The following MAPKBP1 variants were observed in gnomAD, a reference collection of about 807,000 sequenced individuals.
MAPKBP1 encodes mitogen-activated protein kinase-binding protein 1.
MAPKBP1 carries 71 observed loss-of-function variants against 170.5 expected under a neutral mutation model. The ratio of observed to expected loss-of-function variants is 0.42; its 90% CI spans 0.34 to 0.51. MAPKBP1 has a LOEUF of 0.51. MAPKBP1 is among the 20% of genes least tolerant of loss of function. MAPKBP1 has a pLI of 0.06. For missense variants in MAPKBP1, 1,598 were observed against 1,933.0 expected (o/e 0.83, Z 3.25); for synonymous variants, 719 against 757.9 (o/e 0.95, Z 0.84).
At chr15:41,808,429 T>C (rs1029926680) in intron 3 of MAPKBP1, among the ~76,000 whole-genome samples, 5 of 151,514 alleles carry the variant, frequency 3.3e-5, no homozygotes, top group Admixed American at 2.0e-4. Context: ...GTTTGCCTGC[T>C]CAAGAGCGAT....
chr15:41,798,393 A>T (rs930992671), intron 2 of MAPKBP1, among the ~76,000 whole-genome samples: 4 of 151,346 alleles, frequency 2.6e-5, no homozygotes, highest in Non-Finnish European at 4.4e-5. Flanking sequence ...AATGAATCTC[A>T]TGCCTCAGCC....
At chr15:41,786,377 CAT>C (rs986114115) in intron 2 of MAPKBP1, among the ~76,000 whole-genome samples, 56 of 152,070 alleles carry the variant, frequency 3.7e-4, no homozygotes, top group African/African-American at 1.2e-3. Flanking sequence ...CCAATTTAAA[CAT>C]GTGTATTTCA....
At chr15:41,776,605 ACT>A (rs2064102291) in intron 2 of MAPKBP1, among the ~76,000 whole-genome samples, 2 of 152,084 alleles carry the variant, frequency 1.3e-5, no homozygotes, top group South Asian at 2.1e-4. Context: ...CTTAGATATG[ACT>A]CTGTTCATTC....
intron 20 of MAPKBP1, 59 bp downstream of exon 20, chr15:41,819,016 A>C (rs535520633): frequency 5.0e-6 from 8 of 1,599,256 alleles, no homozygotes; most frequent in African/African-American, 4.0e-5. Context: ...CTGGGACCTC[A>C]CTGCACTTCC....
chr15:41,796,294 A>T (rs1392715625), intron 2 of MAPKBP1, among the ~76,000 whole-genome samples: 1 of 152,172 alleles, frequency 6.6e-6, no homozygotes, highest in Non-Finnish European at 1.5e-5. Flanking sequence ...GGGGATGTTC[A>T]AATTTGTCTC....
Position 41,810,924 on chromosome 15 carries a change from A to G in MAPKBP1, c.248A>G (p.His83Arg). ...VLFNPRKHKQ[H>R]HILNSSRKTI... is the part of the protein sequence containing the mutation. ...TTCAATCCCCGGAAACACAAACAGC[A>G]CCACATCCTCAACAGTTCCAGGTAA... The change falls in exon 4 of 31, where the codon CAC becomes CGC. Residue 83 changes from histidine (H) to arginine (R), a missense_variant. Around this residue, in one of 6 missense-constraint regions of MAPKBP1, gnomAD observed 151 missense variants for 191.4 expected, o/e 0.79. Transcript: ENST00000457542. The G allele has an allele frequency of 6.2e-7, 1 of 1,614,160 alleles. No individual in the cohort carries two copies. Among genetic ancestry groups the G allele is most frequent in the Non-Finnish European group, 8.5e-7 (1 of 1,180,024 alleles).
Position 41,825,363 on chromosome 15 carries a change from C to T in MAPKBP1, c.4454C>T (p.Thr1485Ile). 6.2e-7 allele frequency: 1 copy of T among 1,613,550 alleles called. No homozygotes were observed. The highest frequency in any genetic ancestry group is 1.1e-5 in the South Asian group (1 of 91,090). Reference protein sequence around the residue: ...SSPGAVGAEQTQALLEQYSEL... With the variant: ...SSPGAVGAEQIQALLEQYSEL... Reference sequence around the variant, plus strand: ...CCTGGGGCTGTGGGAGCCGAGCAGACACAGGCCCTGCTGGAGCAATACTCA... The same window carrying T: ...CCTGGGGCTGTGGGAGCCGAGCAGATACAGGCCCTGCTGGAGCAATACTCA... Residue 1485 changes from threonine to isoleucine, a missense_variant, in exon 31 of 31, where the codon ACA (threonine) becomes ATA (isoleucine). This residue lies in a region of MAPKBP1 where 942 missense variants were observed against 953.2 expected (regional missense o/e 0.99). Transcript: ENST00000457542.
intron 9 of MAPKBP1, 41 bp downstream of exon 9, chr15:41,813,822 C>A: frequency 2.0e-6 from 3 of 1,537,352 alleles, no homozygotes; most frequent in South Asian, 2.5e-5. Flanking sequence ...TGTAGCCTTA[C>A]CCCTGCCCAG....
rs551607956 is a variant in MAPKBP1 at position 41,826,651 on chromosome 15, A to G, written c.*1215A>G. 2.0e-5 allele frequency: 3 copies of G among 152,016 alleles called. No individual in the cohort carries two copies. Among genetic ancestry groups the G allele is most frequent in the South Asian group, 4.2e-4 (2 of 4,810 alleles). 9.4% of individuals were successfully genotyped at this position (152,016 alleles called of 1,614,324 possible). ...GGTTTAGGTAGAAGGAGCCTCCTCA[A>G]AGGCAGTGCTGGGCACCCACGGGTG... On this transcript the variant is annotated 3_prime_UTR_variant, in exon 31 of 31. Coordinates refer to ENST00000457542, the MANE Select transcript of MAPKBP1 (RefSeq NM_014994.3).
At chr15:41,794,741 T>A (rs1355066999) in intron 2 of MAPKBP1, among the ~76,000 whole-genome samples, 2 of 152,180 alleles carry the variant, frequency 1.3e-5, no homozygotes, top group African/African-American at 4.8e-5. Context: ...AATACATCCA[T>A]GGGGGACAGC....
intron 2 of MAPKBP1, among the ~76,000 whole-genome samples, chr15:41,779,038 T>G (rs977836723): frequency 1.3e-5 from 2 of 152,226 alleles, no homozygotes; most frequent in African/African-American, 4.8e-5. Flanking sequence ...CTTTCTCTAT[T>G]TGTTTCCCCA....
intron 13 of MAPKBP1, 120 bp downstream of exon 13, chr15:41,816,770 T>G: frequency 6.8e-7 from 1 of 1,462,216 alleles, no homozygotes; most frequent in Non-Finnish European, 9.5e-7. Flanking sequence ...TTTGCTGGTT[T>G]AGAGGAAGAC....
chr15:41,807,602 G>C (rs941019895), intron 3 of MAPKBP1, among the ~76,000 whole-genome samples: 12 of 152,236 alleles, frequency 7.9e-5, no homozygotes, highest in African/African-American at 2.9e-4. Flanking sequence ...GGAGTCTGTA[G>C]AGGGCCTCAG....
chr15:41,819,433 G>C (rs1339003947), intron 21 of MAPKBP1, 54 bp downstream of exon 21: 3 of 1,606,330 alleles, frequency 1.9e-6, no homozygotes, highest in Non-Finnish European at 2.6e-6. Context: ...ATAATGGCTA[G>C]ATATGGTTTT....
chr15:41,811,041 G>C, intron 4 of MAPKBP1, 96 bp downstream of exon 4: 2 of 1,547,808 alleles, frequency 1.3e-6, no homozygotes, highest in Middle Eastern at 1.7e-4. Context: ...CTGGGACCTG[G>C]TTGGGTCCTA....
In MAPKBP1 at chr15:41,815,302, C is replaced by T. The variant is rs1183844788; in HGVS notation, c.1214C>T (p.Pro405Leu). The T allele has an allele frequency of 6.2e-7, 1 of 1,614,180 alleles. No homozygotes were observed. Among genetic ancestry groups the T allele is most frequent in the South Asian group, 1.1e-5 (1 of 91,082 alleles). Residue 405 changes from proline to leucine, a missense_variant, in exon 11 of 31, where the codon CCC (proline) becomes CTC (leucine). Physicochemically the swap from Pro to Leu is moderately conservative, Grantham distance 98. Coordinates refer to ENST00000457542, the MANE Select transcript of MAPKBP1 (RefSeq NM_014994.3). ...VKDSNQACLP[P>L]SSFITCSSDN... is the part of the protein sequence containing the mutation. ...GATAGTAACCAGGCCTGCCTGCCCC[C>T]CAGTTCCTTTATTACCTGCTCCTCA...
Position 41,821,575 on chromosome 15 carries a change from T to C in MAPKBP1, c.2719-9T>C. The stretch of plus-strand genomic sequence containing the variant: ...TCTGCTCTGTTAACATCCCTTTGTG[T>C]GTTCCCAGAATGAAAAGCCCCCTCG... On this transcript the variant is annotated splice_polypyrimidine_tract_variant and intron_variant, in intron 23 of 30. Coordinates refer to ENST00000457542, the MANE Select transcript of MAPKBP1 (RefSeq NM_014994.3). 1 of 1,611,112 alleles carries C rather than the reference T, an allele frequency of 6.2e-7. No homozygotes were observed. The highest frequency in any genetic ancestry group is 1.3e-5 in the African/African-American group (1 of 74,144).
chr15:41,824,099 C>T, intron 29 of MAPKBP1, 38 bp downstream of exon 29: 2 of 1,554,762 alleles, frequency 1.3e-6, no homozygotes, highest in Non-Finnish European at 1.7e-6. Context: ...CCTGCCCCAT[C>T]CTTACTCTCC....
At chr15:41,804,849 A>G (rs979885009) in intron 3 of MAPKBP1, among the ~76,000 whole-genome samples, 9 of 152,126 alleles carry the variant, frequency 5.9e-5, no homozygotes, top group Non-Finnish European at 8.8e-5. Context: ...GTCTGTGCAA[A>G]TGGCTTCTTT....
Sources: gnomAD v4.1 joint callset for allele counts (sites outside exome capture counted in the v4.1 genomes callset) on GRCh38, gnomAD v4.1.1 for gene constraint, gnomAD v4.1.1 regional missense constraint, MANE v1.5 for transcripts, NCBI Gene and HGNC (gene_info 2026-07-23, HGNC 2026-07-21) for gene names.